The following IL23R variants were observed in gnomAD, a reference collection of about 807,000 sequenced individuals.
IL23R encodes interleukin-23 receptor.
A neutral mutation model predicts 56.9 loss-of-function variants in IL23R; 34 were observed. The ratio of observed to expected loss-of-function variants is 0.60; its 90% CI spans 0.45 to 0.80. The LOEUF (loss-of-function observed/expected upper bound fraction) is 0.80. IL23R is among the 30% of genes least tolerant of loss of function. IL23R has a pLI of 0.00. For missense variants in IL23R, 635 were observed against 730.0 expected (o/e 0.87, Z 1.50); for synonymous variants, 230 against 249.2 (o/e 0.92, Z 0.73).
intron 1 of IL23R, among the ~76,000 whole-genome samples, chr1:67,160,028 T>A (rs956289102): frequency 9.9e-5 from 15 of 152,154 alleles, no homozygotes; most frequent in African/African-American, 3.1e-4. Flanking sequence ...TATTTATTTT[T>A]AAAAAATACA....
At chr1:67,242,666 A>T (rs1197980299) in intron 9 of IL23R, among the ~76,000 whole-genome samples, 1 of 152,182 alleles carries the variant, frequency 6.6e-6, no homozygotes, top group Non-Finnish European at 1.5e-5. Context: ...TGTAGTGTGG[A>T]TGGCAAGGAC....
At position 67,153,826 on chromosome 1, in the gene IL23R, C is replaced by T. The variant is rs574508867; in HGVS notation, c.-633-14266C>T. On this transcript the variant is annotated intron_variant, in intron 1 of 10. Coordinates refer to the IL23R transcript ENST00000637002. ...TGTCACCCAGGCTGGAGTGCAGTGG[C>T]GCAATTTCGGCTCACTGCAAGCTCC... Among the ~76,000 whole-genome samples, 12 of 151,902 alleles carry T rather than the reference C, an allele frequency of 7.9e-5. No homozygotes were observed. The East Asian group carries it at 1.7e-3, about 22-fold the overall frequency.
chr1:67,196,271 C>T (rs1025966778), intron 4 of IL23R: 4 of 152,234 alleles, frequency 2.6e-5, no homozygotes, highest in Non-Finnish European at 5.9e-5. Flanking sequence ...TGGCTGAGCA[C>T]GGTGGCTCAT....
At chr1:67,265,900 G>T in the IL23R span, among the ~76,000 whole-genome samples, 1 of 152,070 alleles carries the variant, frequency 6.6e-6, no homozygotes, top group African/African-American at 2.4e-5. Flanking sequence ...ATTTTGGTAA[G>T]TATTACCAAT....
chr1:67,182,341 A>T (rs1570800780), intron 3 of IL23R, among the ~76,000 whole-genome samples: 1 of 151,996 alleles, frequency 6.6e-6, no homozygotes, highest in African/African-American at 2.4e-5. Flanking sequence ...AATGGCGGGC[A>T]CCCCTCTCCC....
intron 10 of IL23R, among the ~76,000 whole-genome samples, chr1:67,256,147 C>G (rs1475239338): frequency 1.3e-5 from 2 of 152,106 alleles, no homozygotes; most frequent in East Asian, 1.9e-4. Context: ...AATAAAGAAA[C>G]AAACCTGTTC....
At chr1:67,193,185 T>C (rs957131214) in intron 4 of IL23R, among the ~76,000 whole-genome samples, 1 of 152,216 alleles carries the variant, frequency 6.6e-6, no homozygotes, top group African/African-American at 2.4e-5. Flanking sequence ...ATTGCCCTAA[T>C]GTCACCCTCT....
intron 3 of IL23R, among the ~76,000 whole-genome samples, chr1:67,182,601 C>T (rs191275619): frequency 3.0e-4 from 46 of 152,286 alleles, no homozygotes; most frequent in Admixed American, 1.4e-3. Context: ...GGCAATGCCT[C>T]GCCCTGCTTC....
chr1:67,168,280 C>T (rs11465770), intron 2 of IL23R, 90 bp downstream of exon 2: 84,899 of 982,694 alleles, frequency 0.086, 4,272 homozygotes, highest in Non-Finnish European at 0.1. Flanking sequence ...GTTAGAATCT[C>T]TGAAGAATAC....
At chr1:67,202,701 A>T (rs1427330316) in intron 5 of IL23R, among the ~76,000 whole-genome samples, 1 of 152,158 alleles carries the variant, frequency 6.6e-6, no homozygotes, top group Admixed American at 6.5e-5. Context: ...CCTCTCGAGT[A>T]GCTGGGACGA....
At chr1:67,178,333 C>T (rs1392331824) in intron 3 of IL23R, among the ~76,000 whole-genome samples, 1 of 152,194 alleles carries the variant, frequency 6.6e-6, no homozygotes, top group Non-Finnish European at 1.5e-5. Context: ...AGGTCCTTCA[C>T]ATCCCTTGTA....
At chr1:67,170,021 T>A (rs1646922324) in intron 3 of IL23R, among the ~76,000 whole-genome samples, 1 of 152,236 alleles carries the variant, frequency 6.6e-6, no homozygotes, top group Non-Finnish European at 1.5e-5. Context: ...AAAATGTTGC[T>A]CTTTTAATCT....
chr1:67,155,981 G>A (rs917895525), intron 1 of IL23R, among the ~76,000 whole-genome samples: 15 of 152,078 alleles, frequency 9.9e-5, no homozygotes, highest in African/African-American at 3.1e-4. Flanking sequence ...TTTTTGTGGG[G>A]GCATCTTTTT....
chr1:67,190,703 A>T (rs1013743406), intron 4 of IL23R, among the ~76,000 whole-genome samples: 5 of 152,032 alleles, frequency 3.3e-5, no homozygotes, highest in African/African-American at 1.2e-4. Flanking sequence ...GTAGATATTT[A>T]AAAAAAAGAG....
At chr1:67,192,895 C>T (rs1570817994) in intron 4 of IL23R, among the ~76,000 whole-genome samples, 1 of 152,146 alleles carries the variant, frequency 6.6e-6, no homozygotes, top group Non-Finnish European at 1.5e-5. Flanking sequence ...TCACAGTAAT[C>T]CTTTTCACAT....
At chr1:67,213,378 A>C (rs956966339) in intron 6 of IL23R, among the ~76,000 whole-genome samples, 3 of 152,300 alleles carry the variant, frequency 2.0e-5, no homozygotes, top group African/African-American at 7.2e-5. Flanking sequence ...TGCAGCAGGG[A>C]TAGTAGAGCA....
intron 1 of IL23R, among the ~76,000 whole-genome samples, chr1:67,144,870 T>G (rs1275822652): frequency 6.6e-6 from 1 of 152,198 alleles, no homozygotes; most frequent in Non-Finnish European, 1.5e-5. Context: ...CTCACTCTGA[T>G]CTATCTCTGA....
chr1:67,258,514 C>A lies in IL23R; in HGVS notation c.1276C>A (p.Gln426Lys). The A allele has an allele frequency of 6.2e-7, 1 of 1,601,740 alleles. No individual in the cohort carries two copies. Among genetic ancestry groups the A allele is most frequent in the South Asian group, 1.1e-5 (1 of 88,682 alleles). The change falls in exon 11 of 11, where the codon CAG becomes AAG. Residue 426 changes from glutamine (Q) to lysine (K), a missense_variant. Physicochemically the swap from Gln to Lys is moderately conservative, Grantham distance 53. Coordinates refer to ENST00000347310, the MANE Select transcript of IL23R (RefSeq NM_144701.3). ...ACTTATGAATAATAATTCCAGTGAG[C>A]AGGTCCTATATGTTGATCCCATGAT... ...SELMNNNSSE[Q>K]VLYVDPMITE...
Position 67,236,803 on chromosome 1 carries a change from G to A in IL23R, c.1045+1G>A. The A allele has an allele frequency of 6.3e-7, 1 of 1,593,102 alleles. No homozygotes were observed. Among genetic ancestry groups the A allele is most frequent in the Non-Finnish European group, 8.6e-7 (1 of 1,161,128 alleles). On this transcript the variant is annotated splice_donor_variant, in intron 8 of 10. Transcript: ENST00000347310. LOFTEE classifies it high-confidence loss of function. ...ATCTCTACAGGGCACCTTACTTCTG[G>A]TAAGAAAATACAACTTAGGCTTTTT...
Sources: allele counts gnomAD v4.1 joint callset (sites outside exome capture counted in the v4.1 genomes callset), GRCh38; gene constraint gnomAD v4.1.1; transcripts MANE v1.5; gene names NCBI Gene and HGNC (gene_info 2026-07-23, HGNC 2026-07-21).